The following KATNIP variants were observed in gnomAD, a reference collection of about 807,000 sequenced individuals.
KATNIP encodes katanin-interacting protein.
Under a neutral mutation model 174.0 loss-of-function variants are expected in KATNIP, and 126 were observed. The observed-to-expected ratio is 0.72, with a 90% CI of 0.63 to 0.84. The LOEUF (loss-of-function observed/expected upper bound fraction) is 0.84, where lower values mean the gene tolerates loss of function less well. KATNIP is among the 40% of genes least tolerant of loss of function. The pLI is 0.00. For synonymous variants in KATNIP, 810 were observed against 835.7 expected, an observed-to-expected ratio of 0.97 and a Z score of 0.53; for missense variants, 1,958 against 2,109.7, an observed-to-expected ratio of 0.93 and a Z score of 1.41.
At chr16:27,594,512 C>A (rs558140789) in intron 2 of KATNIP, among the ~76,000 whole-genome samples, 8 of 152,066 alleles carry the variant, frequency 5.3e-5, no homozygotes, top group African/African-American at 1.9e-4. Flanking sequence ...ACTTGAAAGT[C>A]ACCTCGGCCC....
chr16:27,731,838 C>G (rs758133644), intron 14 of KATNIP, among the ~76,000 whole-genome samples: 1 of 152,122 alleles, frequency 6.6e-6, no homozygotes, highest in Non-Finnish European at 1.5e-5. Flanking sequence ...CCAGGCTGGT[C>G]TCAAACTCCT....
intron 1 of KATNIP, among the ~76,000 whole-genome samples, chr16:27,554,849 A>T (rs1216020012): frequency 7.1e-6 from 1 of 140,602 alleles, no homozygotes; most frequent in Non-Finnish European, 1.5e-5. Context: ...GCTGTAGTAC[A>T]GTGGCGTGAT....
chr16:27,650,886 T>C (rs1597062161), intron 6 of KATNIP, among the ~76,000 whole-genome samples: 1 of 152,236 alleles, frequency 6.6e-6, no homozygotes, highest in African/African-American at 2.4e-5. Context: ...GTGGACTTTA[T>C]TACCTTTAAA....
At position 27,645,256 on chromosome 16, in the gene KATNIP, G is replaced by C. The variant is rs548894715; in HGVS notation, c.409-3348G>C. Among the ~76,000 whole-genome samples the C allele has an allele frequency of 3.3e-5, 5 of 152,234 alleles. No homozygotes were observed. In the East Asian group the frequency reaches 7.7e-4, roughly 23 times the overall value. ...GGTGCTGTGTGCCAAAGCCCCAGCC[G>C]AGGGCTCACCTGCGTCACTGCGTGT... On this transcript the variant is annotated intron_variant, in intron 5 of 27. Coordinates refer to ENST00000261588, the MANE Select transcript of KATNIP (RefSeq NM_015202.5).
Position 27,740,410 on chromosome 16 carries a change from C to T in KATNIP, c.2113C>T (p.Pro705Ser), listed in dbSNP as rs1332508842. The change falls in exon 15 of 28, where the codon CCC becomes TCC. Residue 705 changes from proline (P) to serine (S), a missense_variant. Physicochemically the swap from Pro to Ser is moderately conservative, Grantham distance 74. Around this residue, in one of 3 missense-constraint regions of KATNIP, gnomAD observed 1,557 missense variants for 1,617.8 expected, o/e 0.96. Coordinates refer to ENST00000261588, the MANE Select transcript of KATNIP (RefSeq NM_015202.5). The part of the protein sequence containing the change: ...LEEYLRLSAV[P>S]TSMGDMPSAP... ...GGAATATTTGAGACTGTCGGCAGTCCCCACTTCGATGGGTGACATGCCCAG... is the reference window on the plus strand; with the variant it reads ...GGAATATTTGAGACTGTCGGCAGTCTCCACTTCGATGGGTGACATGCCCAG... 6.2e-7 allele frequency: 1 copy of T among 1,614,054 alleles called. No individual in the cohort carries two copies. The highest frequency in any genetic ancestry group is 8.5e-7 in the Non-Finnish European group (1 of 1,180,042).
At chr16:27,693,831 A>G (rs773028171) in intron 8 of KATNIP, among the ~76,000 whole-genome samples, 2 of 152,208 alleles carry the variant, frequency 1.3e-5, no homozygotes, top group Non-Finnish European at 2.9e-5. Context: ...CCCTTACAAC[A>G]TTTCTTAGAA....
chr16:27,703,437 T>G (rs374236883), intron 11 of KATNIP, among the ~76,000 whole-genome samples: 2 of 152,236 alleles, frequency 1.3e-5, no homozygotes, highest in African/African-American at 4.8e-5. Flanking sequence ...GTCAGCAAAT[T>G]GTTGCTATAA....
intron 6 of KATNIP, among the ~76,000 whole-genome samples, chr16:27,653,176 C>T (rs546316417): frequency 1.3e-5 from 2 of 152,166 alleles, no homozygotes; most frequent in Admixed American, 6.5e-5. Flanking sequence ...GGACCTGTCT[C>T]GTTCCCAGTG....
chr16:27,758,310 C>T (rs1398469322), intron 18 of KATNIP, among the ~76,000 whole-genome samples: 1 of 152,128 alleles, frequency 6.6e-6, no homozygotes, highest in Non-Finnish European at 1.5e-5. Flanking sequence ...TTTTTTTCCC[C>T]TTCCTTCTGT....
intron 2 of KATNIP, among the ~76,000 whole-genome samples, chr16:27,601,819 A>G (rs1432915733): frequency 6.6e-6 from 1 of 152,218 alleles, no homozygotes; most frequent in Non-Finnish European, 1.5e-5. Flanking sequence ...GGGGGCCGGC[A>G]GCAGCCCTGG....
At chr16:27,656,843 C>T (rs886882491) in intron 6 of KATNIP, among the ~76,000 whole-genome samples, 7 of 148,312 alleles carry the variant, frequency 4.7e-5, no homozygotes, top group Non-Finnish European at 5.9e-5. Context: ...TGCTAGATGA[C>T]GAGCTAGTGG....
chr16:27,712,112 C>T (rs1278277395), intron 13 of KATNIP, among the ~76,000 whole-genome samples: 1 of 152,214 alleles, frequency 6.6e-6, no homozygotes, highest in East Asian at 1.9e-4. Context: ...GATTGCTCTC[C>T]CTTTCTTCTG....
At chr16:27,558,636 T>C (rs2089726329) in intron 1 of KATNIP, among the ~76,000 whole-genome samples, 2 of 152,204 alleles carry the variant, frequency 1.3e-5, no homozygotes, top group South Asian at 4.1e-4. Flanking sequence ...TAAAGTTTTA[T>C]TGGAATGCAG....
At chr16:27,736,675 G>A (rs1441370265) in intron 14 of KATNIP, among the ~76,000 whole-genome samples, 1 of 152,202 alleles carries the variant, frequency 6.6e-6, no homozygotes, top group Non-Finnish European at 1.5e-5. Flanking sequence ...CCCCTGAAGG[G>A]GAGTAGGATT....
Position 27,777,461 on chromosome 16 carries a change from A to T in KATNIP, c.4552-149A>T. 1.5e-6 allele frequency: 1 copy of T among 674,824 alleles called. No homozygotes were observed. Among genetic ancestry groups the T allele is most frequent in the South Asian group, 2.1e-5 (1 of 46,850 alleles). 41.8% of individuals were successfully genotyped at this position (674,824 alleles called of 1,614,324 possible). ...ATGGTTGTGAAGATCTGAAATCACA[A>T]GGCAGACACAGCACACAGTAGGCGC... On this transcript the variant is annotated intron_variant, in intron 25 of 27. Transcript: ENST00000261588. This position sits in a 1 kb window ranked among gnomAD's most constrained non-coding sequence, Gnocchi z 4.4.
rs897423623 is a variant in KATNIP, at chr16:27,769,969, C to T, written c.4084C>T (p.Leu1362Phe). The T allele has an allele frequency of 3.7e-6, 6 of 1,614,132 alleles. No homozygotes were observed. The highest frequency in any genetic ancestry group is 1.7e-5 in the Admixed American group (1 of 60,012). Residue 1362 changes from leucine to phenylalanine, a missense_variant, in exon 21 of 28, where the codon CTC becomes TTC. Physicochemically the swap from Leu to Phe is conservative, Grantham distance 22. Transcript: ENST00000261588. ...CCACTTTGATTTTGCTCAAGAAATC[C>T]TCTTCGTGGACTACCTACGGGCTCA... ...NCHFDFAQEI[L>F]FVDYLRAQLL...
chr16:27,628,032 A>T (rs1228170044), intron 3 of KATNIP, among the ~76,000 whole-genome samples: 1 of 152,200 alleles, frequency 6.6e-6, no homozygotes, highest in East Asian at 1.9e-4. Flanking sequence ...TGATAATCCT[A>T]TTGTTAACCT....
chr16:27,704,790 A>C (rs2142996195), intron 12 of KATNIP, among the ~76,000 whole-genome samples: 1 of 152,356 alleles, frequency 6.6e-6, no homozygotes, highest in East Asian at 1.9e-4. Flanking sequence ...ACAACCACAC[A>C]AAGATGTGGC....
At chr16:27,691,765 C>G (rs1307772460) in intron 8 of KATNIP, among the ~76,000 whole-genome samples, 1 of 152,170 alleles carries the variant, frequency 6.6e-6, no homozygotes, top group Non-Finnish European at 1.5e-5. Flanking sequence ...CAGACAGCAC[C>G]TGATGATCAT....
Sources: allele counts gnomAD v4.1 joint callset (sites outside exome capture counted in the v4.1 genomes callset), GRCh38; gene constraint gnomAD v4.1.1; regional missense constraint gnomAD v4.1.1; non-coding constraint Gnocchi (gnomAD v3.1); transcripts MANE v1.5; gene names NCBI Gene and HGNC (gene_info 2026-07-23, HGNC 2026-07-21).